KCNQ2: variants seen among roughly 807,000 people sequenced by gnomAD.
The protein encoded by KCNQ2 is potassium voltage-gated channel subfamily KQT member 2.
A neutral mutation model predicts 84.8 loss-of-function variants in KCNQ2; 14 were observed. The observed-to-expected ratio is 0.17, with a 90% CI of 0.11 to 0.26. The LOEUF (loss-of-function observed/expected upper bound fraction) is 0.26. KCNQ2 is among the 10% of genes least tolerant of loss of function. KCNQ2 has a pLI of 1.00. For missense variants in KCNQ2, 788 were observed against 1,254.0 expected, an observed-to-expected ratio of 0.63 and a Z score of 5.61; for synonymous variants, 599 against 554.1, an observed-to-expected ratio of 1.08 and a Z score of -1.14.
At chr20:63,427,439 A>G (rs943096197) in intron 10 of KCNQ2, among the ~76,000 whole-genome samples, 2 of 152,242 alleles carry the variant, frequency 1.3e-5, no homozygotes, top group Admixed American at 6.5e-5. Context: ...GTCTGGATTC[A>G]TGTGCAACGG....
At chr20:63,457,352 C>G (rs1288478891) in intron 1 of KCNQ2, among the ~76,000 whole-genome samples, 3 of 152,250 alleles carry the variant, frequency 2.0e-5, no homozygotes, top group Admixed American at 2.0e-4. Context: ...GGAGGTGACC[C>G]AGGTGGGACC....
At chr20:63,442,935 C>A (rs796157868) in intron 4 of KCNQ2, among the ~76,000 whole-genome samples, 297 of 20,584 alleles carry the variant, frequency 0.014, no homozygotes, top group Middle Eastern at 0.025. Flanking sequence ...ATCACCATCA[C>A]CACCACCATC....
At chr20:63,413,691 T>G in intron 14 of KCNQ2, 110 bp from the exon 15 acceptor site, 1 of 1,267,802 alleles carries the variant, frequency 7.9e-7, no homozygotes, top group Non-Finnish European at 1.1e-6. Context: ...TGGCTGGACT[T>G]GCCCCTCTTG....
At chr20:63,419,096 C>G (rs995126717) in intron 12 of KCNQ2, among the ~76,000 whole-genome samples, 1 of 152,206 alleles carries the variant, frequency 6.6e-6, no homozygotes, top group African/African-American at 2.4e-5. Flanking sequence ...GGCTCCTCCC[C>G]CGTCCTATTT....
intron 1 of KCNQ2, chr20:63,447,595 G>GTTTGGT (rs1568946765): frequency 6.6e-6 from 1 of 151,500 alleles, no homozygotes; most frequent in African/African-American, 2.4e-5. Flanking sequence ...TTTTGTTTTT[G>GTTTGGT]TTTGTTTTGT....
chr20:63,449,738 AG>A (rs2145806884), intron 1 of KCNQ2, among the ~76,000 whole-genome samples: 1 of 152,238 alleles, frequency 6.6e-6, no homozygotes, highest in Admixed American at 6.5e-5. Context: ...AAGAGGGAAG[AG>A]GGAAGCCCCA....
At chr20:63,452,425 G>A (rs1357326951) in intron 1 of KCNQ2, among the ~76,000 whole-genome samples, 1 of 152,154 alleles carries the variant, frequency 6.6e-6, no homozygotes, top group Non-Finnish European at 1.5e-5. Context: ...CTCAGCTGCT[G>A]GGACGACGCC....
chr20:63,432,699 CTCTGGG>C (rs1463462128), intron 8 of KCNQ2, among the ~76,000 whole-genome samples: 2 of 125,660 alleles, frequency 1.6e-5, no homozygotes, highest in East Asian at 2.0e-4. Context: ...AGGCCCCACC[CTCTGGG>C]AAGGCCCCAC....
At chr20:63,452,725 T>C (rs969407475) in intron 1 of KCNQ2, among the ~76,000 whole-genome samples, 1 of 152,020 alleles carries the variant, frequency 6.6e-6, no homozygotes, top group Non-Finnish European at 1.5e-5. Context: ...GAGAGCCAGG[T>C]CTCTCGCCGG....
chr20:63,439,181 C>T (rs957179714), intron 6 of KCNQ2, among the ~76,000 whole-genome samples: 1 of 152,240 alleles, frequency 6.6e-6, no homozygotes, highest in Non-Finnish European at 1.5e-5. Context: ...CTGCCCTGCC[C>T]TGGGGCAACA....
At position 63,433,798 on chromosome 20, in the gene KCNQ2, G is replaced by C. The variant is rs138176417; in HGVS notation, c.1118+11C>G. ...AACAGTTGCTTGGTGGCAGGTGCCCGGCGGCGGTACCTGTACATGGGCACG... is the reference window on the plus strand; with the variant it reads ...AACAGTTGCTTGGTGGCAGGTGCCCCGCGGCGGTACCTGTACATGGGCACG... On this transcript the variant is annotated intron_variant, in intron 8 of 16. Transcript: ENST00000359125. The C allele has an allele frequency of 6.2e-7, 1 of 1,613,840 alleles. No individual in the cohort carries two copies. Among genetic ancestry groups the C allele is most frequent in the East Asian group, 2.2e-5 (1 of 44,886 alleles).
chr20:63,448,057 C>T (rs2081487117), intron 1 of KCNQ2: 1 of 152,240 alleles, frequency 6.6e-6, no homozygotes, highest in Non-Finnish European at 1.5e-5. Flanking sequence ...ACAAGGCCAC[C>T]CACATAGAAG....
chr20:63,471,426 C>T (rs993504620), intron 1 of KCNQ2, among the ~76,000 whole-genome samples: 6 of 152,242 alleles, frequency 3.9e-5, no homozygotes, highest in African/African-American at 1.4e-4. Context: ...CTTCCAGGCC[C>T]AGGGCTGGGG....
intron 1 of KCNQ2, chr20:63,471,741 A>G (rs1472428176): frequency 5.9e-6 from 1 of 169,358 alleles, no homozygotes; most frequent in African/African-American, 2.4e-5. Context: ...AGGACAGGCC[A>G]GACCCCTCCC....
At chr20:63,413,429 A>T (rs1568875183) in intron 15 of KCNQ2, 21 bp downstream of exon 15, 1 of 1,612,860 alleles carries the variant, frequency 6.2e-7, no homozygotes, top group East Asian at 2.2e-5. Flanking sequence ...CCCCTGCTGG[A>T]CAGGCAGGCG....
chr20:63,426,515 T>A (rs2080640340), intron 10 of KCNQ2, among the ~76,000 whole-genome samples: 1 of 143,568 alleles, frequency 7.0e-6, no homozygotes, highest in Non-Finnish European at 1.5e-5. Flanking sequence ...TTTTTTTTTT[T>A]AATAGTCTTT....
At chr20:63,466,973 C>T (rs1183253568) in intron 1 of KCNQ2, among the ~76,000 whole-genome samples, 1 of 152,272 alleles carries the variant, frequency 6.6e-6, no homozygotes, top group Non-Finnish European at 1.5e-5. Context: ...CGCTTGGGCT[C>T]TGTCTGTGAT....
At chr20:63,445,477 G>C in intron 2 of KCNQ2, 113 bp from the exon 3 acceptor site, 1 of 1,264,670 alleles carries the variant, frequency 7.9e-7, no homozygotes, top group Non-Finnish European at 1.1e-6. Flanking sequence ...AGGGCAGGAG[G>C]CCCCCAAAGG....
intron 5 of KCNQ2, 118 bp downstream of exon 5, chr20:63,442,288 C>T: frequency 6.6e-7 from 1 of 1,510,468 alleles, no homozygotes. Context: ...CCACGGGCAG[C>T]CAGCAGGTGG....
Sources: allele counts gnomAD v4.1 joint callset (sites outside exome capture counted in the v4.1 genomes callset), GRCh38; gene constraint gnomAD v4.1.1; transcripts MANE v1.5; gene names NCBI Gene and HGNC (gene_info 2026-07-23, HGNC 2026-07-21).